RNF169: variants seen among roughly 807,000 people sequenced by gnomAD.
RNF169 encodes E3 ubiquitin-protein ligase RNF169.
RNF169 carries 24 observed loss-of-function variants against 53.9 expected under a neutral mutation model. The observed-to-expected ratio is 0.45, with a 90% CI of 0.32 to 0.63. The LOEUF is 0.63. Among genes scored for constraint, RNF169 ranks in the 20% least tolerant of loss-of-function variants. The probability of loss-of-function intolerance (pLI) is 0.04; values close to 1 mark genes in which losing one functional copy is unlikely to be tolerated. For synonymous variants in RNF169, 396 were observed against 363.5 expected (o/e 1.09, Z -1.02); for missense variants, 883 against 906.2 (o/e 0.97, Z 0.33).
intron 4 of RNF169, chr11:74,832,245 T>C (rs1251190709): frequency 6.6e-6 from 1 of 152,190 alleles, no homozygotes; most frequent in African/African-American, 2.4e-5. Flanking sequence ...ATAATGACAA[T>C]TTCAGCTACA....
rs1183793703 is a variant in RNF169 at position 74,836,877 on chromosome 11, T to C, written c.*147T>C. ...GAGGTTCCAGGGCCTTTGTAGTCAA[T>C]ATCCAAGGGAAAAGCATCTCCGTTT... On this transcript the variant is annotated 3_prime_UTR_variant, in exon 6 of 6. Transcript: ENST00000299563. 3 of 635,476 alleles carry C rather than the reference T, an allele frequency of 4.7e-6. No individual in the cohort carries two copies. Among genetic ancestry groups the C allele is most frequent in the Non-Finnish European group, 7.9e-6 (3 of 379,642 alleles). The allele number at this position is 635,476 out of a possible 1,614,324, so 39.4% of individuals were successfully genotyped here.
intron 1 of RNF169, among the ~76,000 whole-genome samples, chr11:74,752,467 C>G (rs1458336143): frequency 6.6e-6 from 1 of 151,728 alleles, no homozygotes; most frequent in Middle Eastern, 3.4e-3. Context: ...TGCGGTGGCA[C>G]ACGCCTGTAG....
chr11:74,783,958 C>CTT (rs2035452899), intron 1 of RNF169, among the ~76,000 whole-genome samples: 1 of 152,206 alleles, frequency 6.6e-6, no homozygotes, highest in Non-Finnish European at 1.5e-5. Context: ...CTCCATTCAT[C>CTT]TTTAAGAGAT....
intron 2 of RNF169, among the ~76,000 whole-genome samples, chr11:74,797,547 T>C (rs894270194): frequency 2.6e-5 from 4 of 152,230 alleles, no homozygotes; most frequent in Admixed American, 6.5e-5. Context: ...GTGTCTAATA[T>C]AATATCTTGC....
intron 3 of RNF169, among the ~76,000 whole-genome samples, chr11:74,816,764 A>T (rs553285153): frequency 1.2e-4 from 19 of 152,286 alleles, no homozygotes; most frequent in Non-Finnish European, 2.5e-4. Context: ...GTTGTACTAG[A>T]GCTCAGGGAG....
intron 1 of RNF169, among the ~76,000 whole-genome samples, chr11:74,752,508 A>C (rs2034912930): frequency 6.7e-6 from 1 of 150,174 alleles, no homozygotes; most frequent in Non-Finnish European, 1.5e-5. Flanking sequence ...GAGGCAGGAG[A>C]CTCGCTTGAA....
intron 2 of RNF169, among the ~76,000 whole-genome samples, chr11:74,802,721 C>T (rs1024894446): frequency 1.3e-5 from 2 of 152,140 alleles, no homozygotes; most frequent in Non-Finnish European, 2.9e-5. Flanking sequence ...AGACTATAGT[C>T]TCAGCACTAA....
intron 4 of RNF169, among the ~76,000 whole-genome samples, chr11:74,830,075 C>T (rs1056055472): frequency 1.3e-4 from 20 of 151,996 alleles, no homozygotes; most frequent in African/African-American, 3.1e-4. Flanking sequence ...ATGAAAGCAG[C>T]GCTCAGAGGG....
chr11:74,804,436 T>C (rs1200589683), intron 2 of RNF169, among the ~76,000 whole-genome samples: 1 of 152,232 alleles, frequency 6.6e-6, no homozygotes, highest in Non-Finnish European at 1.5e-5. Flanking sequence ...GGTGAGCCTG[T>C]CATATCTGTC....
At position 74,839,975 on chromosome 11, in the gene RNF169, G is replaced by A. The variant is rs2036326872; in HGVS notation, c.*3245G>A. 6.6e-6 allele frequency: 1 copy of A among 152,060 alleles called. No individual in the cohort carries two copies. Among genetic ancestry groups the A allele is most frequent in the Admixed American group, 6.5e-5 (1 of 15,272 alleles). The allele number at this position is 152,060 out of a possible 1,614,324, so 9.4% of individuals were successfully genotyped here. On this transcript the variant is annotated 3_prime_UTR_variant, in exon 6 of 6. Transcript: ENST00000299563. Reference sequence around the variant, plus strand: ...TAATTTAATTTTTAAATTTTTGCTTGGAAGCAGCACTGGTAATAAATGTTT... The same window carrying A: ...TAATTTAATTTTTAAATTTTTGCTTAGAAGCAGCACTGGTAATAAATGTTT...
intron 3 of RNF169, among the ~76,000 whole-genome samples, chr11:74,812,580 C>T (rs2035889200): frequency 1.3e-5 from 2 of 151,976 alleles, no homozygotes; most frequent in Non-Finnish European, 2.9e-5. Flanking sequence ...TGTGGGATTA[C>T]AGGCATGATC....
At chr11:74,806,187 A>G (rs1565181978) in intron 2 of RNF169, among the ~76,000 whole-genome samples, 1 of 152,248 alleles carries the variant, frequency 6.6e-6, no homozygotes, top group Non-Finnish European at 1.5e-5. Context: ...AAAGATATCA[A>G]TAGACACTTC....
intron 2 of RNF169, among the ~76,000 whole-genome samples, chr11:74,794,663 T>C (rs1240650510): frequency 2.6e-5 from 4 of 152,256 alleles, no homozygotes; most frequent in African/African-American, 9.6e-5. Context: ...TATGCCAATA[T>C]TGAGACCTTC....
intron 2 of RNF169, among the ~76,000 whole-genome samples, chr11:74,792,965 T>C (rs1418204258): frequency 2.6e-5 from 4 of 152,220 alleles, no homozygotes; most frequent in South Asian, 2.1e-4. Context: ...ACATCCATTG[T>C]ACAACCTGGA....
At chr11:74,780,989 T>C (rs1415408461) in intron 1 of RNF169, among the ~76,000 whole-genome samples, 3 of 152,326 alleles carry the variant, frequency 2.0e-5, no homozygotes, top group African/African-American at 7.2e-5. Flanking sequence ...CTCCACCTAC[T>C]TCCCCGCTAC....
intron 1 of RNF169, among the ~76,000 whole-genome samples, chr11:74,772,493 T>C (rs1464915563): frequency 5.2e-5 from 5 of 96,404 alleles, no homozygotes; most frequent in African/African-American, 1.9e-4. Context: ...TTTTTTTTTT[T>C]ACTTTTATGT....
intron 4 of RNF169, among the ~76,000 whole-genome samples, chr11:74,826,241 G>A (rs932475839): frequency 1.3e-5 from 2 of 152,116 alleles, no homozygotes; most frequent in South Asian, 4.1e-4. Flanking sequence ...CATGAGAATC[G>A]CTTGAACCTG....
At chr11:74,763,188 AAATT>A (rs2035116665) in intron 1 of RNF169, among the ~76,000 whole-genome samples, 1 of 152,224 alleles carries the variant, frequency 6.6e-6, no homozygotes, top group African/African-American at 2.4e-5. Flanking sequence ...TATGGCTCAG[AAATT>A]AATATACAAA....
chr11:74,754,388 G>A (rs1437312969), intron 1 of RNF169, among the ~76,000 whole-genome samples: 1 of 152,156 alleles, frequency 6.6e-6, no homozygotes, highest in Non-Finnish European at 1.5e-5. Context: ...ATTTGAAACC[G>A]AGACCTTTTT....
Sources: gnomAD v4.1 joint callset for allele counts (sites outside exome capture counted in the v4.1 genomes callset) on GRCh38, gnomAD v4.1.1 for gene constraint, MANE v1.5 for transcripts, NCBI Gene and HGNC (gene_info 2026-07-23, HGNC 2026-07-21) for gene names.